Variants in NXPE1 observed in about 807,000 individuals in gnomAD.
NXPE1 encodes the protein neurexophilin and PC-esterase domain family member 1, also known as NXPE family member 1.
NXPE1 carries 31 observed loss-of-function variants against 33.3 expected under a neutral mutation model. That is an observed-to-expected ratio of 0.93 (90% CI 0.70 to 1.26). The LOEUF is 1.26. NXPE1 is among the 50% of genes most tolerant of loss of function. The pLI, the probability that NXPE1 is intolerant of heterozygous loss-of-function variation, is 0.00. For synonymous variants in NXPE1, 229 were observed against 231.4 expected (o/e 0.99, Z 0.09); for missense variants, 661 against 655.6 (o/e 1.01, Z -0.09).
intron 1 of NXPE1, among the ~76,000 whole-genome samples, chr11:114,555,177 GTT>G (rs1948619543): frequency 6.6e-6 from 1 of 151,852 alleles, no homozygotes; most frequent in South Asian, 2.1e-4. Flanking sequence ...AATTGTTTCA[GTT>G]TTGTTTTTAC....
intron 5 of NXPE1, among the ~76,000 whole-genome samples, chr11:114,537,812 C>T (rs1469715193): frequency 1.3e-5 from 2 of 151,870 alleles, no homozygotes; most frequent in African/African-American, 2.4e-5. Context: ...ACATTCCATG[C>T]TCATGGGTAG....
chr11:114,520,848 G>T (rs1419779740), downstream of NXPE1, among the ~76,000 whole-genome samples: 1 of 152,112 alleles, frequency 6.6e-6, no homozygotes, highest in African/African-American at 2.4e-5. Context: ...TTCATAGGTG[G>T]TGTTGTATAC....
chr11:114,535,429 C>A (rs1947774581), intron 5 of NXPE1, among the ~76,000 whole-genome samples: 1 of 152,156 alleles, frequency 6.6e-6, no homozygotes, highest in African/African-American at 2.4e-5. Context: ...TCACACATAA[C>A]AATACTAACC....
At chr11:114,532,946 G>T (rs1292012999) in intron 5 of NXPE1, among the ~76,000 whole-genome samples, 1 of 152,088 alleles carries the variant, frequency 6.6e-6, no homozygotes, top group Non-Finnish European at 1.5e-5. Flanking sequence ...TGCAATAAAA[G>T]GATTTGATGT....
intron 1 of NXPE1, among the ~76,000 whole-genome samples, chr11:114,557,414 T>C (rs1438250357): frequency 1.3e-5 from 2 of 151,922 alleles, no homozygotes; most frequent in Admixed American, 6.6e-5. Context: ...TTTAACTCTT[T>C]CACATTTTCT....
intron 1 of NXPE1, among the ~76,000 whole-genome samples, chr11:114,557,174 A>G (rs1381774716): frequency 6.6e-6 from 1 of 152,128 alleles, no homozygotes; most frequent in Non-Finnish European, 1.5e-5. Flanking sequence ...GATTACAGGC[A>G]TGAGCTACCG....
At chr11:114,553,618 T>C in intron 1 of NXPE1, 1 of 639,024 alleles carries the variant, frequency 1.6e-6, no homozygotes, top group Non-Finnish European at 1.9e-6. Flanking sequence ...AAGCCATAAG[T>C]AACTGCAAAT....
At chr11:114,551,295 G>T in intron 4 of NXPE1, 84 bp from the exon 5 acceptor site, 1 of 1,321,830 alleles carries the variant, frequency 7.6e-7, no homozygotes, top group Non-Finnish European at 1.0e-6. Context: ...CTTGTAATTT[G>T]CCTCCAACAT....
intron 5 of NXPE1, among the ~76,000 whole-genome samples, chr11:114,549,441 G>T (rs958948773): frequency 2.1e-4 from 32 of 152,056 alleles, no homozygotes; most frequent in Admixed American, 3.9e-4. Flanking sequence ...TACACATTTT[G>T]TTCCGTTTTT....
chr11:114,527,029 A>G (rs146773402), intron 7 of NXPE1: 2 of 152,216 alleles, frequency 1.3e-5, no homozygotes, highest in African/African-American at 4.8e-5. Flanking sequence ...TAGAGTTCGT[A>G]GATTGAATGT....
intron 1 of NXPE1, chr11:114,554,031 A>G (rs74994725): frequency 5.1e-6 from 5 of 985,450 alleles, no homozygotes; most frequent in Middle Eastern, 1.0e-3. Context: ...AATGTCTTCT[A>G]CTTTTTCTTC....
rs936475179 is a variant in NXPE1 at position 114,523,854 on chromosome 11, T to C, written c.896-763A>G. On this transcript the variant is annotated intron_variant, in intron 7 of 8. Transcript: ENST00000534921. ...GCCTTGTATTTTAGGATTTGTTATA[T>C]CAGGACTTCTATACTGATACTACGT... Among the ~76,000 whole-genome samples the C allele has an allele frequency of 2.0e-5, 3 of 152,242 alleles. No individual in the cohort carries two copies. The South Asian group carries it at 6.2e-4, about 31-fold the overall frequency.
At chr11:114,553,811 A>C (rs1204563361) in intron 1 of NXPE1, 1 of 973,180 alleles carries the variant, frequency 1.0e-6, no homozygotes, top group South Asian at 4.8e-5. Context: ...AAGCCTATTC[A>C]TGCACATTTC....
At chr11:114,523,565 G>A (rs1262991065) in intron 7 of NXPE1, among the ~76,000 whole-genome samples, 2 of 152,130 alleles carry the variant, frequency 1.3e-5, no homozygotes, top group Non-Finnish European at 2.9e-5. Context: ...ACCTCAAATA[G>A]TATAATAGTC....
At chr11:114,533,935 C>T (rs921918245) in intron 5 of NXPE1, among the ~76,000 whole-genome samples, 1 of 152,310 alleles carries the variant, frequency 6.6e-6, no homozygotes, top group East Asian at 1.9e-4. Context: ...TTGAAGAGAG[C>T]AGTGGTTCTC....
intron 7 of NXPE1, among the ~76,000 whole-genome samples, chr11:114,525,279 A>G (rs752603268): frequency 6.6e-6 from 1 of 151,992 alleles, no homozygotes; most frequent in Admixed American, 6.6e-5. Flanking sequence ...TGAGAAATAG[A>G]TTCCATTATA....
rs142403291 is a variant in NXPE1, at chr11:114,540,837, C to CTTTTTTTTTT, written c.100-9939_100-9930dup. On this transcript the variant is annotated intron_variant, in intron 5 of 8. Coordinates refer to ENST00000534921, the Ensembl canonical transcript of NXPE1. The stretch of plus-strand genomic sequence containing the variant: ...TAGCTAAAACACAATAGAAAGCCAT[C>CTTTTTTTTTT]TTTTTTTTTTTTTTTTTTTTTTTTT... Among the ~76,000 whole-genome samples, 25 of 47,472 alleles carry CTTTTTTTTTT rather than the reference C, an allele frequency of 5.3e-4. 9 individuals carry two copies. Among genetic ancestry groups the CTTTTTTTTTT allele is most frequent in the Non-Finnish European group, 9.8e-4 (21 of 21,470 alleles). 31.1% of individuals were successfully genotyped at this position (47,472 alleles called of 152,430 possible).
At chr11:114,528,251 G>C (rs1043921392) in intron 6 of NXPE1, among the ~76,000 whole-genome samples, 1 of 152,098 alleles carries the variant, frequency 6.6e-6, no homozygotes, top group Non-Finnish European at 1.5e-5. Flanking sequence ...TTGGATTACT[G>C]TGAGCCTCTA....
intron 8 of NXPE1, 67 bp downstream of exon 8, chr11:114,522,812 A>C: frequency 8.8e-7 from 1 of 1,131,706 alleles, no homozygotes; most frequent in Non-Finnish European, 1.3e-6. Context: ...ACGAGAGAAT[A>C]GAGACCTCAT....
Sources: allele counts gnomAD v4.1 joint callset (sites outside exome capture counted in the v4.1 genomes callset), GRCh38; gene constraint gnomAD v4.1.1; transcripts MANE v1.5; gene names NCBI Gene and HGNC (gene_info 2026-07-23, HGNC 2026-07-21).